IGFBP7: variants seen among roughly 807,000 people sequenced by gnomAD.
IGFBP7 encodes insulin-like growth factor-binding protein 7.
Under a neutral mutation model 29.4 loss-of-function variants are expected in IGFBP7, and 31 were observed. That is an observed-to-expected ratio of 1.05 (90% CI 0.79 to 1.42). The LOEUF is 1.42. Ranked by LOEUF, IGFBP7 falls within the 40% of genes most tolerant of loss-of-function variation. The pLI is 0.00. For synonymous variants in IGFBP7, 172 were observed against 174.9 expected (o/e 0.98, Z 0.13); for missense variants, 393 against 395.5 (o/e 0.99, Z 0.05).
chr4:57,050,083 G>C (rs1443068600), intron 1 of IGFBP7, among the ~76,000 whole-genome samples: 3 of 151,698 alleles, frequency 2.0e-5, no homozygotes, highest in Non-Finnish European at 2.9e-5. Flanking sequence ...ATGACCAGGA[G>C]ATGCAAATTA....
intron 1 of IGFBP7, among the ~76,000 whole-genome samples, chr4:57,064,851 CAT>C (rs796820372): frequency 7.9e-5 from 12 of 152,330 alleles, no homozygotes; most frequent in African/African-American, 2.9e-4. Context: ...TTATTAATAA[CAT>C]AGCAAAAACA....
chr4:57,084,351 C>T (rs1384414702), intron 1 of IGFBP7, among the ~76,000 whole-genome samples: 1 of 152,034 alleles, frequency 6.6e-6, no homozygotes, highest in African/African-American at 2.4e-5. Flanking sequence ...AAAAAAAATT[C>T]CTTTAGCCAA....
At chr4:57,033,514 C>T (rs1041157566) in intron 2 of IGFBP7, among the ~76,000 whole-genome samples, 1 of 152,178 alleles carries the variant, frequency 6.6e-6, no homozygotes, top group East Asian at 1.9e-4. Context: ...TCCTGCTAAG[C>T]GTACATGTTT....
At chr4:57,075,069 C>T (rs1391155396) in intron 1 of IGFBP7, among the ~76,000 whole-genome samples, 1 of 152,224 alleles carries the variant, frequency 6.6e-6, no homozygotes, top group Non-Finnish European at 1.5e-5. Flanking sequence ...GCCTTCTCTG[C>T]ACACCGTGTC....
At chr4:57,052,763 A>G (rs577435557) in intron 1 of IGFBP7, among the ~76,000 whole-genome samples, 8 of 152,170 alleles carry the variant, frequency 5.3e-5, no homozygotes, top group Admixed American at 2.0e-4. Context: ...ATTGCTAGTT[A>G]CCTCTGGATT....
intron 1 of IGFBP7, among the ~76,000 whole-genome samples, chr4:57,055,791 T>C (rs1337760777): frequency 6.6e-6 from 1 of 152,096 alleles, no homozygotes; most frequent in Non-Finnish European, 1.5e-5. Flanking sequence ...GGGTCTTATC[T>C]AAAATCCCTC....
intron 1 of IGFBP7, among the ~76,000 whole-genome samples, chr4:57,108,632 C>T (rs1726095855): frequency 6.6e-6 from 1 of 151,934 alleles, no homozygotes; most frequent in Non-Finnish European, 1.5e-5. Context: ...ACCTCCGCCT[C>T]CCAGATTCAA....
chr4:57,057,007 T>C (rs1724689902), intron 1 of IGFBP7, among the ~76,000 whole-genome samples: 1 of 148,154 alleles, frequency 6.7e-6, no homozygotes, highest in South Asian at 2.1e-4. Flanking sequence ...CTATAGTAGA[T>C]TTTTTTTTCT....
At chr4:57,099,108 T>C (rs967442037) in intron 1 of IGFBP7, among the ~76,000 whole-genome samples, 1 of 152,174 alleles carries the variant, frequency 6.6e-6, no homozygotes, top group East Asian at 1.9e-4. Flanking sequence ...ACTTGCACAC[T>C]AATCTGTGGT....
chr4:57,049,000 G>T (rs1169821605), intron 1 of IGFBP7, among the ~76,000 whole-genome samples: 1 of 152,178 alleles, frequency 6.6e-6, no homozygotes, highest in East Asian at 1.9e-4. Context: ...AGATGTCAAA[G>T]ATGCTTTGAC....
chr4:57,055,023 C>T (rs1724619617), intron 1 of IGFBP7, among the ~76,000 whole-genome samples: 2 of 152,186 alleles, frequency 1.3e-5, no homozygotes, highest in African/African-American at 4.8e-5. Flanking sequence ...CTGGAAAGTG[C>T]CTGTGGGGTC....
chr4:57,031,342 TA>T lies in IGFBP7; in HGVS notation c.830-7del, dbSNP rs753927314. On this transcript the variant is annotated splice_polypyrimidine_tract_variant and splice_region_variant and intron_variant, in intron 4 of 4. Transcript: ENST00000295666. ...TTATAGCTCGGCACCTTCACCTGTT[TA>T]AAAAAAAAAAAAGATAAAAATTAGT... The T allele has an allele frequency of 0.14, 135,472 of 994,202 alleles. No individual in the cohort carries two copies. The highest frequency in any genetic ancestry group is 0.19 in the South Asian group (9,538 of 51,298). The allele number at this position is 994,202 out of a possible 1,614,324, so 61.6% of individuals were successfully genotyped here. A position where few individuals can be genotyped will look rare whatever the true frequency, so the allele number is the denominator to read the frequency against.
At chr4:57,099,080 C>T (rs1725832176) in intron 1 of IGFBP7, among the ~76,000 whole-genome samples, 1 of 152,132 alleles carries the variant, frequency 6.6e-6, no homozygotes, top group Admixed American at 6.5e-5. Context: ...AAAGCTTTCC[C>T]AATTCAACCA....
chr4:57,084,129 A>G (rs1725439488), intron 1 of IGFBP7, among the ~76,000 whole-genome samples: 2 of 152,246 alleles, frequency 1.3e-5, no homozygotes. Flanking sequence ...AGACTGGATA[A>G]TGCTTTTCTG....
At chr4:57,092,646 C>A (rs1001225628) in intron 1 of IGFBP7, among the ~76,000 whole-genome samples, 3 of 151,054 alleles carry the variant, frequency 2.0e-5, no homozygotes, top group African/African-American at 7.3e-5. Flanking sequence ...GCTGGAATCA[C>A]TAATGTCAAT....
At chr4:57,040,991 G>T in intron 1 of IGFBP7, 58 bp from the exon 2 acceptor site, 3 of 1,062,398 alleles carry the variant, frequency 2.8e-6, no homozygotes, top group Non-Finnish European at 2.9e-6. Context: ...ACATGAGTCA[G>T]CATCTTAGGG....
chr4:57,052,821 G>T (rs542907705), intron 1 of IGFBP7, among the ~76,000 whole-genome samples: 1 of 152,106 alleles, frequency 6.6e-6, no homozygotes, highest in Admixed American at 6.5e-5. Context: ...GAGAATCTTC[G>T]TAGGGAGCAT....
chr4:57,032,604 C>A, intron 3 of IGFBP7, 52 bp from the exon 4 acceptor site: 2 of 1,358,966 alleles, frequency 1.5e-6, no homozygotes, highest in South Asian at 1.2e-5. Context: ...TCTCTTTTGT[C>A]AGTGGTTCCA....
At chr4:57,071,711 G>T (rs1725057106) in intron 1 of IGFBP7, among the ~76,000 whole-genome samples, 1 of 152,190 alleles carries the variant, frequency 6.6e-6, no homozygotes, top group Non-Finnish European at 1.5e-5. Context: ...TGGTCATGGA[G>T]GCTAGCAGGG....
Sources: gnomAD v4.1 joint callset for allele counts (sites outside exome capture counted in the v4.1 genomes callset) on GRCh38, gnomAD v4.1.1 for gene constraint, MANE v1.5 for transcripts, NCBI Gene and HGNC (gene_info 2026-07-23, HGNC 2026-07-21) for gene names.